FBLN2: variants seen among roughly 807,000 people sequenced by gnomAD.
FBLN2 encodes the protein fibulin-2.
Under a neutral mutation model 123.7 loss-of-function variants are expected in FBLN2, and 81 were observed. The observed-to-expected ratio is 0.65, with a 90% CI of 0.55 to 0.79. The LOEUF (loss-of-function observed/expected upper bound fraction) is 0.79. Ranked by LOEUF, FBLN2 falls within the 30% of genes least tolerant of loss-of-function variation. FBLN2 has a pLI of 0.00. For missense variants in FBLN2, 1,603 were observed against 1,681.3 expected (o/e 0.95, Z 0.81); for synonymous variants, 699 against 701.4 (o/e 1.00, Z 0.05).
chr3:13,605,416 T>C (rs190715829), intron 2 of FBLN2, among the ~76,000 whole-genome samples: 32 of 152,344 alleles, frequency 2.1e-4, no homozygotes, highest in Non-Finnish European at 3.5e-4. Flanking sequence ...TGTTATTTTA[T>C]GTGTGATAGT....
rs1056456511 is a variant in FBLN2, at chr3:13,570,231, G to C, written c.-41-84G>C. 13 of 1,403,908 alleles carry C rather than the reference G, an allele frequency of 9.3e-6. No individual in the cohort carries two copies. In the African/African-American group the frequency reaches 1.7e-4, roughly 19 times the overall value. The allele number at this position is 1,403,908 out of a possible 1,614,324, so 87.0% of individuals were successfully genotyped here. On this transcript the variant is annotated intron_variant, in intron 1 of 17. Coordinates refer to ENST00000404922, the MANE Select transcript of FBLN2 (RefSeq NM_001004019.2). ...ATGCGTGTGAGGTGGCTGAGGCTGG[G>C]CCCCTGCCCGCGTGCGTGCCGGTGT...
chr3:13,568,048 AG>A (rs766673555), intron 1 of FBLN2, among the ~76,000 whole-genome samples: 10 of 152,096 alleles, frequency 6.6e-5, no homozygotes, highest in Non-Finnish European at 1.3e-4. Context: ...CTGGGAGTAA[AG>A]GCCCTGATTC....
intron 2 of FBLN2, among the ~76,000 whole-genome samples, chr3:13,591,225 T>C (rs1469558286): frequency 6.6e-6 from 1 of 152,260 alleles, no homozygotes; most frequent in African/African-American, 2.4e-5. Context: ...AAAATTAAGT[T>C]TCTTTGTCTT....
intron 2 of FBLN2, among the ~76,000 whole-genome samples, chr3:13,583,721 G>C (rs765207979): frequency 6.6e-6 from 1 of 152,244 alleles, no homozygotes. Context: ...AGGACGTTTT[G>C]GTCAGTGATA....
At position 13,617,885 on chromosome 3, in the gene FBLN2, CCCATCTATCCAT is replaced by C. The variant is rs563368660; in HGVS notation, c.1730-179_1730-168del. Reference sequence around the variant, plus strand: ...GTCTATCTATTTACCTGCCCACCCACCCATCTATCCATCCATCTATCCACCCATCCACCCACC... The same window carrying C: ...GTCTATCTATTTACCTGCCCACCCACCCATCTATCCACCCATCCACCCACC... On this transcript the variant is annotated intron_variant, in intron 5 of 17. Coordinates refer to ENST00000404922, the MANE Select transcript of FBLN2 (RefSeq NM_001004019.2). Among the ~76,000 whole-genome samples the C allele has an allele frequency of 4.5e-3, 675 of 149,466 alleles. 2 individuals carry two copies. Among genetic ancestry groups the C allele is most frequent in the Non-Finnish European group, 7.7e-3 (519 of 67,276 alleles).
At chr3:13,573,626 G>A (rs1425136516) in intron 2 of FBLN2, among the ~76,000 whole-genome samples, 4 of 152,154 alleles carry the variant, frequency 2.6e-5, no homozygotes, top group African/African-American at 9.7e-5. Context: ...AGGGTGGGCC[G>A]GGCGTGGTGG....
Position 13,570,914 on chromosome 3 carries a change from G to C in FBLN2, c.559G>C (p.Gly187Arg). 1 of 1,612,882 alleles carries C rather than the reference G, an allele frequency of 6.2e-7. No individual in the cohort carries two copies. Among genetic ancestry groups the C allele is most frequent in the Non-Finnish European group, 8.5e-7 (1 of 1,179,614 alleles). Residue 187 changes from glycine to arginine, a missense_variant, in exon 2 of 18, where the codon GGT (glycine) becomes CGT (arginine). Gly to Arg is a moderately radical substitution (Grantham distance 125). Transcript: ENST00000404922. ...CHGNFSDAEEGDPERHYEDPY... is the reference protein window; with the variant it reads ...CHGNFSDAEERDPERHYEDPY... Reference sequence around the variant, plus strand: ...CGGGAACTTCTCAGATGCCGAGGAGGGTGACCCCGAGCGACACTACGAAGA... The same window carrying C: ...CGGGAACTTCTCAGATGCCGAGGAGCGTGACCCCGAGCGACACTACGAAGA...
At chr3:13,614,635 T>TATCCATCC (rs375890094) in intron 5 of FBLN2, among the ~76,000 whole-genome samples, 58,840 of 131,428 alleles carry the variant, frequency 0.45, 13,473 homozygotes, top group East Asian at 0.52. Context: ...CCCACCCAAT[T>TATCCATCC]ATCCATCCAT....
At chr3:13,635,241 A>G (rs1706414994) in intron 16 of FBLN2, among the ~76,000 whole-genome samples, 1 of 151,932 alleles carries the variant, frequency 6.6e-6, no homozygotes, top group Admixed American at 6.5e-5. Context: ...TGCCCCTGGA[A>G]CACCCCCTGC....
chr3:13,603,231 T>A (rs1705095188), intron 2 of FBLN2, among the ~76,000 whole-genome samples: 1 of 111,282 alleles, frequency 9.0e-6, no homozygotes, highest in African/African-American at 3.8e-5. Context: ...TTTCTTTTTT[T>A]TTAAGTTTTT....
intron 3 of FBLN2, among the ~76,000 whole-genome samples, chr3:13,608,618 G>A (rs140663332): frequency 4.9e-4 from 75 of 152,268 alleles, no homozygotes; most frequent in African/African-American, 1.7e-3. Flanking sequence ...CCTTGCTGCT[G>A]TGCTGGTTGT....
chr3:13,596,805 G>A (rs1017473843), intron 2 of FBLN2, among the ~76,000 whole-genome samples: 2 of 151,656 alleles, frequency 1.3e-5, no homozygotes, highest in African/African-American at 4.8e-5. Flanking sequence ...TGGAATCATA[G>A]TCTTTATCCT....
At chr3:13,572,436 C>T (rs960942269) in intron 2 of FBLN2, among the ~76,000 whole-genome samples, 1 of 152,240 alleles carries the variant, frequency 6.6e-6, no homozygotes, top group African/African-American at 2.4e-5. Context: ...GCTGGAGGCT[C>T]AGGTCACACA....
chr3:13,626,500 G>A lies in FBLN2; in HGVS notation c.2352G>A (p.Val784=), dbSNP rs773577217. 43 of 1,571,806 alleles carry A rather than the reference G, an allele frequency of 2.7e-5. No homozygotes were observed. The highest frequency in any genetic ancestry group is 3.6e-5 in the Non-Finnish European group (42 of 1,158,492). ...CGTGCAGCCGGGGCGAGCACTGTGT[G>A]AACACACTGGGCTCCTTCCACTGCT... is the stretch of plus-strand genomic sequence containing the variant. ...LHTCSRGEHC[V]NTLGSFHCYK... is the part of the protein sequence containing the mutation. The change falls in exon 10 of 18, where the codon GTG becomes GTA. Residue 784 remains valine, a synonymous_variant. Transcript: ENST00000404922.
chr3:13,631,773 G>A (rs562910073), intron 16 of FBLN2, among the ~76,000 whole-genome samples: 7 of 152,310 alleles, frequency 4.6e-5, no homozygotes, highest in South Asian at 2.1e-4. Flanking sequence ...GTGAGGAGAC[G>A]GCAGAAGAGC....
Position 13,630,764 on chromosome 3 carries a change from T to G in FBLN2, c.3034T>G (p.Cys1012Gly), listed in dbSNP as rs767688540. ...TGCCAACATCTATGGCTCCTACCAG[T>G]GCTACTGCCGCCAGGGCTACCAGCT... Reference protein sequence around the residue: ...ECANIYGSYQCYCRQGYQLAE... With the variant: ...ECANIYGSYQGYCRQGYQLAE... The change falls in exon 15 of 18, where the codon TGC (cysteine) becomes GGC (glycine). Residue 1012 changes from cysteine (C) to glycine (G), a missense_variant. By Grantham distance (159) the Cys-to-Gly change is radical (BLOSUM62 -3). Coordinates refer to ENST00000404922, the MANE Select transcript of FBLN2 (RefSeq NM_001004019.2). The G allele has an allele frequency of 3.7e-6, 6 of 1,609,936 alleles. No individual in the cohort carries two copies. The highest frequency in any genetic ancestry group is 4.2e-6 in the Non-Finnish European group (5 of 1,178,480).
chr3:13,633,476 G>A (rs1445132665), intron 16 of FBLN2, among the ~76,000 whole-genome samples: 1 of 152,240 alleles, frequency 6.6e-6, no homozygotes, highest in African/African-American at 2.4e-5. Flanking sequence ...TGACTCACAT[G>A]GTGGGCAAGG....
intron 9 of FBLN2, among the ~76,000 whole-genome samples, chr3:13,624,075 AAGATGTGAGG>A (rs1466198064): frequency 3.6e-4 from 55 of 152,306 alleles, no homozygotes; most frequent in African/African-American, 1.3e-3. Flanking sequence ...TCCAGGCTGC[AAGATGTGAGG>A]GAGGCAGCCC....
chr3:13,601,421 T>A (rs777707945), intron 2 of FBLN2, among the ~76,000 whole-genome samples: 2 of 152,148 alleles, frequency 1.3e-5, no homozygotes, highest in African/African-American at 4.8e-5. Context: ...GGACGAGACA[T>A]TGAATGGTGG....
Sources: gnomAD v4.1 joint callset for allele counts (sites outside exome capture counted in the v4.1 genomes callset) on GRCh38, gnomAD v4.1.1 for gene constraint, MANE v1.5 for transcripts, NCBI Gene and HGNC (gene_info 2026-07-23, HGNC 2026-07-21) for gene names.